SPATA6: variants seen among roughly 807,000 people sequenced by gnomAD.
SPATA6 encodes the protein spermatogenesis associated 6, also known as spermatogenesis-associated protein 6.
Under a neutral mutation model 65.3 loss-of-function variants are expected in SPATA6, and 56 were observed. The ratio of observed to expected loss-of-function variants is 0.86; its 90% CI spans 0.69 to 1.07. The LOEUF (loss-of-function observed/expected upper bound fraction) is 1.07. SPATA6 is among the 50% of genes least tolerant of loss of function. The probability of loss-of-function intolerance (pLI) is 0.00; values close to 1 mark genes in which losing one functional copy is unlikely to be tolerated. For missense variants in SPATA6, 590 were observed against 594.8 expected (o/e 0.99, Z 0.08); for synonymous variants, 199 against 213.2 (o/e 0.93, Z 0.58).
intron 9 of SPATA6, among the ~76,000 whole-genome samples, chr1:48,364,982 G>C (rs1039613390): frequency 2.6e-5 from 4 of 152,200 alleles, no homozygotes; most frequent in African/African-American, 9.7e-5. Context: ...TGTATAAGGT[G>C]TAAGGAAAGG....
chr1:48,308,739 G>A (rs933871617), intron 11 of SPATA6, among the ~76,000 whole-genome samples: 6 of 152,024 alleles, frequency 3.9e-5, no homozygotes, highest in African/African-American at 1.2e-4. Context: ...TTCCTTTTCA[G>A]TACATTGAAT....
At chr1:48,267,008 G>A in the SPATA6 span, among the ~76,000 whole-genome samples, 1 of 152,130 alleles carries the variant, frequency 6.6e-6, no homozygotes. Context: ...AATATTAGGA[G>A]CTATGCTAAG....
chr1:48,352,631 A>G (rs2148797938), intron 11 of SPATA6, among the ~76,000 whole-genome samples: 1 of 152,148 alleles, frequency 6.6e-6, no homozygotes, highest in East Asian at 1.9e-4. Context: ...GTTCCAGAAA[A>G]ACAGCAAAGA....
chr1:48,361,762 A>T (rs765653164), intron 9 of SPATA6, among the ~76,000 whole-genome samples: 2 of 152,202 alleles, frequency 1.3e-5, no homozygotes, highest in Admixed American at 1.3e-4. Context: ...TGTATACATT[A>T]GTTGCCCAAT....
At chr1:48,288,271 C>T in the SPATA6 span, among the ~76,000 whole-genome samples, 1 of 152,106 alleles carries the variant, frequency 6.6e-6, no homozygotes, top group Non-Finnish European at 1.5e-5. Context: ...CTTGAAGTGT[C>T]TTTGGAACTG....
chr1:48,311,118 A>C (rs1014090199), intron 11 of SPATA6, among the ~76,000 whole-genome samples: 2 of 152,148 alleles, frequency 1.3e-5, no homozygotes, highest in Non-Finnish European at 2.9e-5. Context: ...TACATGAAAA[A>C]AGAAGACCTC....
intron 12 of SPATA6, among the ~76,000 whole-genome samples, chr1:48,305,506 A>C (rs1645039195): frequency 6.6e-6 from 1 of 152,152 alleles, no homozygotes; most frequent in African/African-American, 2.4e-5. Flanking sequence ...TAAAATTATA[A>C]GAACTATTTT....
intron 12 of SPATA6, among the ~76,000 whole-genome samples, chr1:48,299,612 T>G (rs1015293353): frequency 3.3e-5 from 5 of 151,560 alleles, no homozygotes; most frequent in Admixed American, 6.6e-5. Context: ...TGTGAGACCT[T>G]GGGCAATTTA....
downstream of SPATA6, among the ~76,000 whole-genome samples, chr1:48,293,549 ATATCT>A (rs1644782044): frequency 6.6e-6 from 1 of 152,078 alleles, no homozygotes; most frequent in Non-Finnish European, 1.5e-5. Context: ...TCCTTCTTGA[ATATCT>A]TATATGTTTT....
rs568817683 is a variant in SPATA6 at position 48,389,753 on chromosome 1, C to A, written c.869-4404G>T. On this transcript the variant is annotated intron_variant, in intron 8 of 12. Coordinates refer to ENST00000371847, the MANE Select transcript of SPATA6 (RefSeq NM_019073.4). ...AAGTAAAAGCTAAGGGAATTCATCA[C>A]CAGTAAGCCAGCCCTACAAGATGTG... Among the ~76,000 whole-genome samples the A allele has an allele frequency of 7.9e-5, 12 of 152,212 alleles. No homozygotes were observed. In the South Asian group the frequency reaches 2.5e-3, roughly 32 times the overall value.
chr1:48,367,004 C>A (rs1287156504), intron 9 of SPATA6, among the ~76,000 whole-genome samples: 1 of 152,044 alleles, frequency 6.6e-6, no homozygotes, highest in Non-Finnish European at 1.5e-5. Flanking sequence ...TGTCTTTGTT[C>A]TCGTTGGTTT....
At chr1:48,301,941 G>C (rs950264836) in intron 12 of SPATA6, among the ~76,000 whole-genome samples, 3 of 152,146 alleles carry the variant, frequency 2.0e-5, no homozygotes, top group Admixed American at 6.6e-5. Context: ...AAAATATTGG[G>C]AAAATGCTTT....
chr1:48,298,829 C>G lies in SPATA6; in HGVS notation c.1351G>C (p.Ala451Pro). Reference protein sequence around the residue: ...DDGEYWSNRAASYKGKSHRPI... With the variant: ...DDGEYWSNRAPSYKGKSHRPI... ...CGGTGGGATTTTCCCTTATAAGAGG[C>G]TGCCCTGTTGGACCAGTATTCACCG... Residue 451 changes from alanine (A) to proline (P), a missense_variant, in exon 13 of 13, where the codon GCC becomes CCC. Coordinates refer to ENST00000371847, the MANE Select transcript of SPATA6 (RefSeq NM_019073.4). 1 of 1,614,014 alleles carries G rather than the reference C, an allele frequency of 6.2e-7. No homozygotes were observed. The highest frequency in any genetic ancestry group is 2.2e-5 in the East Asian group (1 of 44,860).
chr1:48,392,650 A>G (rs938632841), intron 8 of SPATA6, among the ~76,000 whole-genome samples: 1 of 152,156 alleles, frequency 6.6e-6, no homozygotes, highest in Non-Finnish European at 1.5e-5. Context: ...TTTCTCAAAT[A>G]TAATTAAATC....
chr1:48,426,665 A>G (rs1250676054), intron 3 of SPATA6, among the ~76,000 whole-genome samples: 1 of 152,120 alleles, frequency 6.6e-6, no homozygotes, highest in Non-Finnish European at 1.5e-5. Context: ...TTTAAATTCA[A>G]TTAAAAATGA....
At chr1:48,267,889 C>T in the SPATA6 span, among the ~76,000 whole-genome samples, 1 of 149,788 alleles carries the variant, frequency 6.7e-6, no homozygotes, top group Admixed American at 6.7e-5. Flanking sequence ...GTAGCTGGGA[C>T]CACAGGTGCC....
At chr1:48,367,487 T>G (rs555709166) in intron 9 of SPATA6, among the ~76,000 whole-genome samples, 44 of 152,324 alleles carry the variant, frequency 2.9e-4, no homozygotes, top group South Asian at 1.2e-3. Context: ...CTCCTGTATT[T>G]GGTGCATATA....
intron 10 of SPATA6, among the ~76,000 whole-genome samples, chr1:48,356,451 G>A (rs1489660974): frequency 1.3e-5 from 2 of 150,398 alleles, no homozygotes; most frequent in African/African-American, 4.9e-5. Flanking sequence ...TAATGAAATA[G>A]GTAAAATGTT....
At chr1:48,400,618 G>C (rs1570454882) in intron 6 of SPATA6, among the ~76,000 whole-genome samples, 1 of 151,988 alleles carries the variant, frequency 6.6e-6, no homozygotes, top group Non-Finnish European at 1.5e-5. Flanking sequence ...CACCTCTCTT[G>C]ACTTGCTAAG....
Sources: gnomAD v4.1 joint callset for allele counts (sites outside exome capture counted in the v4.1 genomes callset) on GRCh38, gnomAD v4.1.1 for gene constraint, MANE v1.5 for transcripts, NCBI Gene and HGNC (gene_info 2026-07-23, HGNC 2026-07-21) for gene names.